The following ATP5F1A variants were observed in gnomAD, a reference collection of about 807,000 sequenced individuals.
ATP5F1A encodes the protein ATP synthase F1 subunit alpha.
A neutral mutation model predicts 57.4 loss-of-function variants in ATP5F1A; 24 were observed. The observed-to-expected ratio is 0.42, with a 90% CI of 0.30 to 0.59. The LOEUF (loss-of-function observed/expected upper bound fraction) is 0.59. Among genes scored for constraint, ATP5F1A ranks in the 20% least tolerant of loss-of-function variants. The pLI is 0.19. For synonymous variants in ATP5F1A, 251 were observed against 255.5 expected (o/e 0.98, Z 0.17); for missense variants, 494 against 707.9 (o/e 0.70, Z 3.43).
chr18:46,098,088 T>G, intron 1 of ATP5F1A, 84 bp downstream of exon 1: 1 of 1,504,960 alleles, frequency 6.6e-7, no homozygotes. Context: ...CCCCTCGCCC[T>G]CCTGCAGAGA....
chr18:46,100,609 C>A (rs2144231407), upstream of ATP5F1A, among the ~76,000 whole-genome samples: 1 of 152,190 alleles, frequency 6.6e-6, no homozygotes, highest in Non-Finnish European at 1.5e-5. Flanking sequence ...GACCCTATAT[C>A]AAAACAAACA....
chr18:46,083,859 A>C lies in ATP5F1A; in HGVS notation c.*423T>G, dbSNP rs1368676884. On this transcript the variant is annotated 3_prime_UTR_variant, in exon 12 of 12. Coordinates refer to ENST00000398752, the MANE Select transcript of ATP5F1A (RefSeq NM_004046.6). ...AAACTAGCCAGGCGTGGTGGTGGGC[A>C]CCTGTAATCCCAGCTACGTGGGAGG... is the stretch of plus-strand genomic sequence containing the variant. 6.5e-6 allele frequency: 1 copy of C among 153,726 alleles called. No homozygotes were observed. Among genetic ancestry groups the C allele is most frequent in the Non-Finnish European group, 1.4e-5 (1 of 69,372 alleles). 9.5% of individuals were successfully genotyped at this position (153,726 alleles called of 1,614,324 possible).
chr18:46,085,929 G>A (rs1458410106), intron 10 of ATP5F1A, 184 bp downstream of exon 10: 29 of 677,388 alleles, frequency 4.3e-5, no homozygotes, highest in African/African-American at 3.5e-4. Context: ...ATGAAACTTC[G>A]TCTCAAAAAA....
intron 9 of ATP5F1A, 58 bp from the exon 10 acceptor site, chr18:46,086,315 AG>A: frequency 1.2e-6 from 1 of 813,840 alleles, no homozygotes; most frequent in Non-Finnish European, 1.8e-6. Flanking sequence ...ATACAAATAT[AG>A]TTAATATATT....
chr18:46,090,558 T>C (rs1358435420), intron 3 of ATP5F1A, among the ~76,000 whole-genome samples: 2 of 152,200 alleles, frequency 1.3e-5, no homozygotes, highest in Admixed American at 1.3e-4. Context: ...TAAAACTATA[T>C]TTTAGATCTT....
chr18:46,102,939 C>T (rs1911323351), upstream of ATP5F1A, among the ~76,000 whole-genome samples: 1 of 152,046 alleles, frequency 6.6e-6, no homozygotes, highest in East Asian at 1.9e-4. Context: ...GAGCAAGACC[C>T]TGTCTCTAAA....
chr18:46,098,152 T>G lies in ATP5F1A; in HGVS notation c.60+20A>C. 6.3e-7 allele frequency: 1 copy of G among 1,596,186 alleles called. No homozygotes were observed. On this transcript the variant is annotated intron_variant, in intron 1 of 11. Transcript: ENST00000398752. ...CAGCCCCACCCGGCCGCCTGCATCA[T>G]GCCGGCCTTCGGTGCTCACCAGTCC...
chr18:46,100,671 T>G (rs1911249547), upstream of ATP5F1A, among the ~76,000 whole-genome samples: 1 of 152,198 alleles, frequency 6.6e-6, no homozygotes, highest in African/African-American at 2.4e-5. Flanking sequence ...TCATTGTCAC[T>G]AGTAAGGTTT....
intron 2 of ATP5F1A, among the ~76,000 whole-genome samples, chr18:46,092,724 G>A (rs529351962): frequency 4.9e-4 from 75 of 151,848 alleles, no homozygotes; most frequent in South Asian, 1.2e-3. Context: ...CAAAACAAAT[G>A]TAAACCAGAC....
Position 46,080,343 on chromosome 18 carries a change from A to G in ATP5F1A, c.*3939T>C, listed in dbSNP as rs1020985102. 1 of 152,210 alleles carries G rather than the reference A, an allele frequency of 6.6e-6. No homozygotes were observed. Among genetic ancestry groups the G allele is most frequent in the Non-Finnish European group, 1.5e-5 (1 of 68,048 alleles). The allele number at this position is 152,210 out of a possible 1,614,324, so 9.4% of individuals were successfully genotyped here. On this transcript the variant is annotated 3_prime_UTR_variant, in exon 12 of 12. Transcript: ENST00000398752. Reference sequence around the variant, plus strand: ...GCCTTCTCAAATGTTCACCACCCCCAGTGATAAGATAAATGCACACAGACA... The same window carrying G: ...GCCTTCTCAAATGTTCACCACCCCCGGTGATAAGATAAATGCACACAGACA...
chr18:46,097,001 A>AAAAAAC (rs1433726423), intron 1 of ATP5F1A, among the ~76,000 whole-genome samples: 1 of 151,376 alleles, frequency 6.6e-6, no homozygotes, highest in African/African-American at 2.4e-5. Context: ...AAAAAAAAAA[A>AAAAAAC]AAAAACAAGC....
intron 2 of ATP5F1A, chr18:46,093,443 A>C (rs1389757297): frequency 6.6e-6 from 1 of 152,166 alleles, no homozygotes; most frequent in Admixed American, 6.6e-5. Context: ...AGGCTGAGGC[A>C]GGAGAGAATC....
chr18:46,097,935 G>A, intron 1 of ATP5F1A: 1 of 1,261,062 alleles, frequency 7.9e-7, no homozygotes, highest in Non-Finnish European at 1.0e-6. Context: ...GAATCTTGAG[G>A]CCCTGTCTCT....
chr18:46,091,274 G>T (rs1800639), intron 3 of ATP5F1A, among the ~76,000 whole-genome samples: 58,643 of 151,944 alleles, frequency 0.39, 11,682 homozygotes, highest in Middle Eastern at 0.53. Flanking sequence ...ACCAAAACTC[G>T]CCTTTGAACA....
Position 46,081,691 on chromosome 18 carries a change from A to C in ATP5F1A, c.*2591T>G, listed in dbSNP as rs1445047386. The C allele has an allele frequency of 6.7e-5, 10 of 150,212 alleles. No homozygotes were observed. Among genetic ancestry groups the C allele is most frequent in the South Asian group, 2.1e-4 (1 of 4,800 alleles). 9.3% of individuals were successfully genotyped at this position (150,212 alleles called of 1,614,324 possible). On this transcript the variant is annotated 3_prime_UTR_variant, in exon 12 of 12. Transcript: ENST00000398752. Reference sequence around the variant, plus strand: ...AAAAAAACAAAAAAAAAAAAAAAAAAAAAAAACGAAATGTGCAGAACCTTC... The same window carrying C: ...AAAAAAACAAAAAAAAAAAAAAAAACAAAAAACGAAATGTGCAGAACCTTC...
chr18:46,086,080 G>C, intron 10 of ATP5F1A, 33 bp downstream of exon 10: 1 of 1,606,056 alleles, frequency 6.2e-7, no homozygotes, highest in Non-Finnish European at 8.5e-7. Context: ...TACACAATAG[G>C]AACCTGACCA....
intron 5 of ATP5F1A, among the ~76,000 whole-genome samples, chr18:46,089,107 AGAGATAGTG>A (rs1374021702): frequency 2.7e-5 from 4 of 150,100 alleles, no homozygotes; most frequent in Non-Finnish European, 4.4e-5. Context: ...CCGAGATAGT[AGAGATAGTG>A]ATCAATAAAT....
rs972683410 is a variant in ATP5F1A, at chr18:46,091,780, T to G, written c.211A>C (p.Thr71Pro). ...TCACCAATACTTAAGACACGCCCAGTTTCTTCAAGATCAACAGAGGTATCA... is the reference window on the plus strand; with the variant it reads ...TCACCAATACTTAAGACACGCCCAGGTTCTTCAAGATCAACAGAGGTATCA... ...GADTSVDLEE[T>P]GRVLSIGDGI... is the part of the protein sequence containing the mutation. The change falls in exon 3 of 12, where the codon ACT becomes CCT. Residue 71 changes from threonine (T) to proline (P), a missense_variant. By Grantham distance (38) the Thr-to-Pro change is conservative (BLOSUM62 -1). This residue lies in a region of ATP5F1A where 142 missense variants were observed against 137.5 expected (regional missense o/e 1.03). Transcript: ENST00000398752. 1.2e-6 allele frequency: 2 copies of G among 1,613,898 alleles called. No individual in the cohort carries two copies. The highest frequency in any genetic ancestry group is 1.7e-6 in the Non-Finnish European group (2 of 1,179,974).
At chr18:46,088,396 A>C (rs943499003) in intron 5 of ATP5F1A, 139 bp from the exon 6 acceptor site, 1 of 779,230 alleles carries the variant, frequency 1.3e-6, no homozygotes, top group Non-Finnish European at 1.9e-6. Flanking sequence ...TTCTGTACTA[A>C]GAAAAATTCT....
Sources: allele counts gnomAD v4.1 joint callset (sites outside exome capture counted in the v4.1 genomes callset), GRCh38; gene constraint gnomAD v4.1.1; regional missense constraint gnomAD v4.1.1; transcripts MANE v1.5; gene names NCBI Gene and HGNC (gene_info 2026-07-23, HGNC 2026-07-21).